The following ZSWIM5 variants were observed in gnomAD, a reference collection of about 807,000 sequenced individuals.
ZSWIM5 encodes the protein zinc finger SWIM-type containing 5.
In ZSWIM5, 55 loss-of-function variants were observed where a neutral mutation model predicts 119.6. The observed-to-expected ratio is 0.46, with a 90% CI of 0.37 to 0.58. ZSWIM5 has a LOEUF of 0.58. Ranked by LOEUF, ZSWIM5 falls within the 20% of genes least tolerant of loss-of-function variation. The pLI, the probability that ZSWIM5 is intolerant of heterozygous loss-of-function variation, is 0.00. For synonymous variants in ZSWIM5, 537 were observed against 606.9 expected (o/e 0.88, Z 1.69); for missense variants, 1,193 against 1,512.8 (o/e 0.79, Z 3.51).
Position 45,040,546 on chromosome 1 carries a change from G to T in ZSWIM5, c.1610-8C>A. 6.4e-7 allele frequency: 1 copy of T among 1,571,086 alleles called. No individual in the cohort carries two copies. Among genetic ancestry groups the T allele is most frequent in the Non-Finnish European group, 8.6e-7 (1 of 1,164,540 alleles). ...AGGCTGTAGGCACATGCTCTACCAA[G>T]TAAGAAGAAGATATTTTGGTCTAGT... On this transcript the variant is annotated splice_polypyrimidine_tract_variant and splice_region_variant and intron_variant, in intron 6 of 13. Transcript: ENST00000359600.
At position 45,092,672 on chromosome 1, in the gene ZSWIM5, G is replaced by A. The variant is rs548371383; in HGVS notation, c.596-4435C>T. On this transcript the variant is annotated intron_variant, in intron 1 of 13. Transcript: ENST00000359600. ...AGCTATTCAACCAAACACTAATCTA[G>A]GTGTTGCTGTGCAGGTAATTTGTAG... 2.8e-4 allele frequency among the ~76,000 whole-genome samples: 42 copies of A among 151,814 alleles called. No individual in the cohort carries two copies. In the South Asian group the frequency reaches 4.2e-3, roughly 15 times the overall value.
At chr1:45,032,789 A>G (rs1177915067) in intron 11 of ZSWIM5, among the ~76,000 whole-genome samples, 1 of 90,434 alleles carries the variant, frequency 1.1e-5, no homozygotes, top group Non-Finnish European at 2.8e-5. Flanking sequence ...GCCTGGCCTG[A>G]TAATTTTTTT....
At chr1:45,203,004 G>C (rs1271956360) in intron 1 of ZSWIM5, among the ~76,000 whole-genome samples, 2 of 151,938 alleles carry the variant, frequency 1.3e-5, no homozygotes, top group Non-Finnish European at 2.9e-5. Context: ...TTTCAATAGA[G>C]TTCATACTCT....
At chr1:45,052,865 T>C (rs928070034) in intron 4 of ZSWIM5, among the ~76,000 whole-genome samples, 5 of 152,096 alleles carry the variant, frequency 3.3e-5, no homozygotes, top group Admixed American at 2.6e-4. Context: ...CTCACTCCTG[T>C]AATCCTAGCC....
intron 1 of ZSWIM5, among the ~76,000 whole-genome samples, chr1:45,183,446 T>C (rs1570193684): frequency 6.6e-6 from 1 of 151,898 alleles, no homozygotes; most frequent in Non-Finnish European, 1.5e-5. Flanking sequence ...TTCAAAAAAT[T>C]AATGAATCCA....
chr1:45,046,719 A>G (rs1288462179), intron 5 of ZSWIM5, among the ~76,000 whole-genome samples: 1 of 151,954 alleles, frequency 6.6e-6, no homozygotes, highest in Non-Finnish European at 1.5e-5. Flanking sequence ...TGCAATCAAC[A>G]AAGAAGTATA....
chr1:45,191,441 C>T (rs1646092905), intron 1 of ZSWIM5, among the ~76,000 whole-genome samples: 1 of 152,112 alleles, frequency 6.6e-6, no homozygotes, highest in South Asian at 2.1e-4. Flanking sequence ...TCATCTCTAC[C>T]ACATAAAGAA....
intron 1 of ZSWIM5, among the ~76,000 whole-genome samples, chr1:45,112,040 A>G (rs974509107): frequency 1.3e-5 from 2 of 152,258 alleles, no homozygotes; most frequent in African/African-American, 4.8e-5. Context: ...TTGACACACC[A>G]TAATTGCACA....
At chr1:45,029,418 G>T (rs1372396104) in intron 11 of ZSWIM5, among the ~76,000 whole-genome samples, 4 of 152,184 alleles carry the variant, frequency 2.6e-5, no homozygotes, top group African/African-American at 9.7e-5. Flanking sequence ...TCACAGAAGT[G>T]ATGCTGAGTT....
intron 1 of ZSWIM5, among the ~76,000 whole-genome samples, chr1:45,095,413 A>G (rs1645395080): frequency 6.6e-6 from 1 of 152,076 alleles, no homozygotes; most frequent in African/African-American, 2.4e-5. Flanking sequence ...GGCATGAACC[A>G]CTGTGCCTGG....
At chr1:45,139,173 C>G (rs1339276356) in intron 1 of ZSWIM5, among the ~76,000 whole-genome samples, 1 of 151,824 alleles carries the variant, frequency 6.6e-6, no homozygotes, top group African/African-American at 2.4e-5. Context: ...TGAGCCACCA[C>G]ACCGGCCCTT....
intron 1 of ZSWIM5, among the ~76,000 whole-genome samples, chr1:45,164,307 G>A (rs1645885901): frequency 6.6e-6 from 1 of 152,102 alleles, no homozygotes; most frequent in South Asian, 2.1e-4. Context: ...CCCTACAAGA[G>A]CTCCTGAAGG....
chr1:45,095,696 T>C (rs907437780), intron 1 of ZSWIM5, among the ~76,000 whole-genome samples: 3 of 152,224 alleles, frequency 2.0e-5, no homozygotes, highest in African/African-American at 7.2e-5. Flanking sequence ...TGTTGAGGAA[T>C]GACCAGTGGG....
intron 1 of ZSWIM5, among the ~76,000 whole-genome samples, chr1:45,111,138 G>A (rs985195380): frequency 3.9e-5 from 6 of 152,138 alleles, no homozygotes; most frequent in Admixed American, 1.3e-4. Flanking sequence ...CCAAGTCTAG[G>A]GGGCTCAGGA....
rs561995420 is a variant in ZSWIM5 at position 45,022,209 on chromosome 1, C to T, written c.2450-1421G>A. Among the ~76,000 whole-genome samples the T allele has an allele frequency of 2.0e-5, 3 of 151,128 alleles. No homozygotes were observed. In the East Asian group the frequency reaches 5.9e-4, roughly 30 times the overall value. ...GCAGTGGCGCGATCTTGGCTCACTGCAAGCTCCGCCTCCCAGGTTCATGCC... is the reference window on the plus strand; with the variant it reads ...GCAGTGGCGCGATCTTGGCTCACTGTAAGCTCCGCCTCCCAGGTTCATGCC... On this transcript the variant is annotated intron_variant, in intron 11 of 13. Coordinates refer to ENST00000359600, the MANE Select transcript of ZSWIM5 (RefSeq NM_020883.2).
intron 1 of ZSWIM5, among the ~76,000 whole-genome samples, chr1:45,189,739 G>A (rs1053176631): frequency 6.6e-6 from 1 of 152,188 alleles, no homozygotes; most frequent in Admixed American, 6.5e-5. Context: ...CTGGGTGACA[G>A]AGCTGGATTT....
intron 2 of ZSWIM5, chr1:45,070,055 GA>G: frequency 1.2e-6 from 1 of 854,018 alleles, no homozygotes; most frequent in Non-Finnish European, 2.1e-6. Flanking sequence ...AGACACACAC[GA>G]ATCCAATGAC....
At chr1:45,048,393 G>A (rs186762296) in intron 5 of ZSWIM5, among the ~76,000 whole-genome samples, 73 of 152,166 alleles carry the variant, frequency 4.8e-4, no homozygotes, top group Non-Finnish European at 7.9e-4. Context: ...AGTAATTAGA[G>A]CTGGAATGAA....
intron 1 of ZSWIM5, among the ~76,000 whole-genome samples, chr1:45,180,592 C>G (rs1225899631): frequency 6.6e-6 from 1 of 152,170 alleles, no homozygotes; most frequent in African/African-American, 2.4e-5. Context: ...GTTCTCCCAG[C>G]ACGCAGCTGG....
Sources: gnomAD v4.1 joint callset for allele counts (sites outside exome capture counted in the v4.1 genomes callset) on GRCh38, gnomAD v4.1.1 for gene constraint, MANE v1.5 for transcripts, NCBI Gene and HGNC (gene_info 2026-07-23, HGNC 2026-07-21) for gene names.